Variants in FAM167A observed in about 807,000 individuals in gnomAD.
FAM167A encodes the protein family with sequence similarity 167 member A.
In FAM167A, 23 loss-of-function variants were observed where a neutral mutation model predicts 14.9. That is an observed-to-expected ratio of 1.55 (90% confidence interval 1.11 to 2.19). FAM167A has a LOEUF of 2.19. Among genes scored for constraint, FAM167A ranks in the 30% most tolerant of loss-of-function variants. The pLI, the probability that FAM167A is intolerant of heterozygous loss-of-function variation, is 0.00. For synonymous variants in FAM167A, 174 were observed against 117.7 expected, an observed-to-expected ratio of 1.48 and a Z score of -3.10; for missense variants, 401 against 281.5, an observed-to-expected ratio of 1.42 and a Z score of -3.04.
intron 2 of FAM167A, among the ~76,000 whole-genome samples, chr8:11,442,657 G>C (rs1806512010): frequency 6.7e-6 from 1 of 149,492 alleles, no homozygotes; most frequent in South Asian, 2.1e-4. Flanking sequence ...TGCGCGGTCT[G>C]TCCTGGGGCA....
At chr8:11,459,293 C>G (rs181303952) in intron 1 of FAM167A, among the ~76,000 whole-genome samples, 72 of 152,272 alleles carry the variant, frequency 4.7e-4, no homozygotes, top group African/African-American at 1.6e-3. Context: ...AGGGAAGGAA[C>G]CACCATTCCA....
chr8:11,428,808 T>C (rs1008057694), intron 2 of FAM167A, among the ~76,000 whole-genome samples: 44 of 152,274 alleles, frequency 2.9e-4, no homozygotes, highest in African/African-American at 1.1e-3. Flanking sequence ...AAAGGTGACT[T>C]TGCACCTTAA....
chr8:11,430,750 A>AG (rs1484168038), intron 2 of FAM167A, among the ~76,000 whole-genome samples: 2 of 152,014 alleles, frequency 1.3e-5, no homozygotes, highest in African/African-American at 4.8e-5. Context: ...TGGTGAGGGG[A>AG]GGGTGTGGCA....
chr8:11,428,188 TG>T (rs917442387), intron 2 of FAM167A, among the ~76,000 whole-genome samples: 1 of 152,190 alleles, frequency 6.6e-6, no homozygotes. Flanking sequence ...TCGGGGAATT[TG>T]GGGTGTGGCC....
intron 2 of FAM167A, among the ~76,000 whole-genome samples, chr8:11,440,282 G>A (rs1045150911): frequency 6.6e-6 from 1 of 152,226 alleles, no homozygotes; most frequent in Non-Finnish European, 1.5e-5. Context: ...CGTCTTAGCT[G>A]GGAGTCGCAC....
At chr8:11,450,058 T>C (rs984610549) in intron 1 of FAM167A, among the ~76,000 whole-genome samples, 3 of 152,176 alleles carry the variant, frequency 2.0e-5, no homozygotes, top group Admixed American at 1.3e-4. Context: ...TTTCGTTTCT[T>C]CTCCATAAGA....
intron 1 of FAM167A, chr8:11,445,509 C>G (rs992275770): frequency 2.0e-6 from 2 of 985,524 alleles, no homozygotes; most frequent in African/African-American, 3.5e-5. Flanking sequence ...AACAAGCAGG[C>G]TGTGACTCAT....
intron 2 of FAM167A, among the ~76,000 whole-genome samples, chr8:11,427,731 A>G (rs1805281449): frequency 6.6e-6 from 1 of 152,244 alleles, no homozygotes; most frequent in South Asian, 2.1e-4. Context: ...AAATCAAGAT[A>G]GAAAGTCTTG....
At chr8:11,429,699 T>C (rs1055226530) in intron 2 of FAM167A, among the ~76,000 whole-genome samples, 1 of 152,208 alleles carries the variant, frequency 6.6e-6, no homozygotes, top group Admixed American at 6.5e-5. Context: ...GGCTCCTGTC[T>C]GCTCAGAGGC....
intron 2 of FAM167A, chr8:11,438,060 A>G: frequency 2.4e-6 from 1 of 418,050 alleles, no homozygotes; most frequent in Non-Finnish European, 4.7e-6. Context: ...CAAAGACAGG[A>G]GCCCTGACCC....
intron 1 of FAM167A, among the ~76,000 whole-genome samples, chr8:11,453,878 C>T (rs1426674427): frequency 6.6e-6 from 1 of 152,196 alleles, no homozygotes; most frequent in East Asian, 1.9e-4. Context: ...TGCAGCAAAC[C>T]GAGGTGGCAG....
chr8:11,471,862 C>T (rs570814171), upstream of FAM167A, among the ~76,000 whole-genome samples: 6 of 152,208 alleles, frequency 3.9e-5, no homozygotes, highest in South Asian at 8.3e-4. Context: ...ATGAAGGCTG[C>T]GCTCTCAGGC....
intron 2 of FAM167A, among the ~76,000 whole-genome samples, chr8:11,439,818 C>T (rs67684445): frequency 0.14 from 21,567 of 152,136 alleles, 2,007 homozygotes; most frequent in Non-Finnish European, 0.21. Context: ...GCAAGGGGAA[C>T]TTGTGGGTGT....
intron 1 of FAM167A, among the ~76,000 whole-genome samples, chr8:11,445,727 G>T (rs1242271842): frequency 6.6e-6 from 1 of 152,138 alleles, no homozygotes; most frequent in East Asian, 1.9e-4. Context: ...TGTGGTCCGA[G>T]GTCCATGGGG....
chr8:11,473,774 T>A (rs1280174092), intron 1 of FAM167A, among the ~76,000 whole-genome samples: 1 of 152,192 alleles, frequency 6.6e-6, no homozygotes, highest in African/African-American at 2.4e-5. Context: ...CTGTGAGGAT[T>A]AGAATTAACG....
chr8:11,444,846 T>C (rs1387587249), intron 1 of FAM167A, 38 bp from the exon 2 acceptor site: 1 of 991,402 alleles, frequency 1.0e-6, no homozygotes, highest in African/African-American at 1.7e-5. Context: ...TCCCGATCCC[T>C]GCCCTGCCAC....
Position 11,430,095 on chromosome 8 carries a change from C to A in FAM167A, c.382-5459G>T, listed in dbSNP as rs576989881. Among the ~76,000 whole-genome samples the A allele has an allele frequency of 4.6e-5, 7 of 152,340 alleles. No individual in the cohort carries two copies. In the South Asian group the frequency reaches 1.4e-3, roughly 32 times the overall value. ...ACTCTCAGTGTGGGTTTCATGCTGT[C>A]TCTGGCAAAGGCTCTACCATAGGAT... On this transcript the variant is annotated intron_variant, in intron 2 of 2. Transcript: ENST00000284486.
At chr8:11,442,661 T>C (rs1419900493) in intron 2 of FAM167A, among the ~76,000 whole-genome samples, 2 of 149,462 alleles carry the variant, frequency 1.3e-5, no homozygotes, top group East Asian at 3.9e-4. Context: ...CGGTCTGTCC[T>C]GGGGCACTGT....
At chr8:11,454,417 C>T (rs1807148978) in intron 1 of FAM167A, among the ~76,000 whole-genome samples, 1 of 152,210 alleles carries the variant, frequency 6.6e-6, no homozygotes, top group South Asian at 2.1e-4. Context: ...CTACCTTGCC[C>T]TGATGTTGCG....
Sources: allele counts gnomAD v4.1 joint callset (sites outside exome capture counted in the v4.1 genomes callset), GRCh38; gene constraint gnomAD v4.1.1; transcripts MANE v1.5; gene names NCBI Gene and HGNC (gene_info 2026-07-23, HGNC 2026-07-21).